The following UBE2E2 variants were observed in gnomAD, a reference collection of about 807,000 sequenced individuals.
UBE2E2 encodes ubiquitin-conjugating enzyme E2 E2.
UBE2E2 carries 6 observed loss-of-function variants against 24.7 expected under a neutral mutation model. The observed-to-expected ratio is 0.24, with a 90% CI of 0.13 to 0.48. UBE2E2 has a LOEUF of 0.48. Among genes scored for constraint, UBE2E2 ranks in the 20% least tolerant of loss-of-function variants. The probability of loss-of-function intolerance (pLI) is 0.99; values close to 1 mark genes in which losing one functional copy is unlikely to be tolerated. For synonymous variants in UBE2E2, 104 were observed against 83.6 expected, an observed-to-expected ratio of 1.24 and a Z score of -1.33; for missense variants, 169 against 245.0, an observed-to-expected ratio of 0.69 and a Z score of 2.07.
At chr3:23,486,145 C>T (rs867422339) in intron 3 of UBE2E2, among the ~76,000 whole-genome samples, 16 of 152,284 alleles carry the variant, frequency 1.1e-4, no homozygotes, top group East Asian at 9.7e-4. Context: ...CACAAAGTGG[C>T]GAGGGGTGTG....
chr3:23,586,005 C>G (rs1443032337), intron 5 of UBE2E2, among the ~76,000 whole-genome samples: 1 of 151,574 alleles, frequency 6.6e-6, no homozygotes, highest in Non-Finnish European at 1.5e-5. Flanking sequence ...TTCAGACTTT[C>G]ACATTGAAAA....
intron 3 of UBE2E2, among the ~76,000 whole-genome samples, chr3:23,457,854 A>G (rs531340354): frequency 6.6e-6 from 1 of 152,346 alleles, no homozygotes; most frequent in East Asian, 1.9e-4. Context: ...TAGCCTTCGC[A>G]GAATTGAAGT....
intron 3 of UBE2E2, among the ~76,000 whole-genome samples, chr3:23,492,549 AAC>A (rs1419162010): frequency 6.6e-6 from 1 of 152,186 alleles, no homozygotes; most frequent in Non-Finnish European, 1.5e-5. Flanking sequence ...AGATTTTTTA[AAC>A]ACACAGTTTA....
At position 23,496,386 on chromosome 3, in the gene UBE2E2, A is replaced by G. The variant is rs140842577; in HGVS notation, c.228-3222A>G. On this transcript the variant is annotated intron_variant, in intron 3 of 5. Transcript: ENST00000396703. ...ACATACCCAGAACCATTGAAACTCC[A>G]GTGTGCTGCTTCTCCAACCTCTGCT... Among the ~76,000 whole-genome samples the G allele has an allele frequency of 3.9e-3, 592 of 152,246 alleles. 5 individuals are homozygous for G. Among genetic ancestry groups the G allele is most frequent in the African/African-American group, 0.012 (515 of 41,542 alleles).
chr3:23,561,537 A>G (rs1360734472), intron 5 of UBE2E2, among the ~76,000 whole-genome samples: 2 of 152,042 alleles, frequency 1.3e-5, no homozygotes, highest in Non-Finnish European at 2.9e-5. Context: ...TTGGCTTAGG[A>G]TTGACTTGGC....
At chr3:23,285,818 G>A (rs952622517) in intron 3 of UBE2E2, among the ~76,000 whole-genome samples, 5 of 152,014 alleles carry the variant, frequency 3.3e-5, no homozygotes, top group African/African-American at 4.8e-5. Flanking sequence ...TCAGCCACTC[G>A]AATAGCTAGG....
At chr3:23,498,845 T>A (rs1053492612) in intron 3 of UBE2E2, among the ~76,000 whole-genome samples, 2 of 152,250 alleles carry the variant, frequency 1.3e-5, no homozygotes, top group South Asian at 4.1e-4. Context: ...ACTAATACAA[T>A]TCACTCGACT....
At chr3:23,353,058 T>G (rs1318617165) in intron 3 of UBE2E2, among the ~76,000 whole-genome samples, 9 of 152,188 alleles carry the variant, frequency 5.9e-5, no homozygotes, top group Admixed American at 5.9e-4. Context: ...GCTTCATCCC[T>G]GGGATGCAAG....
rs148209104 is a variant in UBE2E2 at position 23,388,205 on chromosome 3, A to G, written c.228-111403A>G. Among the ~76,000 whole-genome samples, 88 of 152,328 alleles carry G rather than the reference A, an allele frequency of 5.8e-4. 3 individuals are homozygous for G. In the East Asian group the frequency reaches 0.015, roughly 27 times the overall value. On this transcript the variant is annotated intron_variant, in intron 3 of 5. Coordinates refer to ENST00000396703, the MANE Select transcript of UBE2E2 (RefSeq NM_152653.4). ...ATTAGGGAGTAAATATTCTAAGACT[A>G]TTAGTAAATAAGGACTGCTTAAGCA...
At chr3:23,250,507 A>G (rs191036821) in intron 3 of UBE2E2, among the ~76,000 whole-genome samples, 2 of 152,176 alleles carry the variant, frequency 1.3e-5, no homozygotes, top group South Asian at 4.1e-4. Context: ...ATTTAGTCCT[A>G]TATTTTAGTA....
chr3:23,444,065 G>GTTTT lies in UBE2E2; in HGVS notation c.228-55529_228-55526dup, dbSNP rs59171795. Among the ~76,000 whole-genome samples the GTTTT allele has an allele frequency of 8.6e-4, 101 of 117,404 alleles. 2 individuals carry two copies. The highest frequency in any genetic ancestry group is 2.8e-3 in the African/African-American group (91 of 32,546). 77.0% of individuals were successfully genotyped at this position (117,404 alleles called of 152,430 possible). A position where few individuals can be genotyped will look rare whatever the true frequency, so the allele number is the denominator to read the frequency against. ...ATTTTAGGTTTTCTTCACCAGTTTT[G>GTTTT]TTTTTTTTTTTTTTTTTGCCAGCTT... On this transcript the variant is annotated intron_variant, in intron 3 of 5. Transcript: ENST00000396703.
At chr3:23,562,350 T>A (rs899717532) in intron 5 of UBE2E2, among the ~76,000 whole-genome samples, 6 of 152,238 alleles carry the variant, frequency 3.9e-5, no homozygotes, top group African/African-American at 1.4e-4. Flanking sequence ...TCTTTGGTTC[T>A]ATTTATATGC....
intron 3 of UBE2E2, among the ~76,000 whole-genome samples, chr3:23,396,495 T>C (rs990068687): frequency 4.0e-5 from 6 of 151,840 alleles, no homozygotes; most frequent in African/African-American, 1.5e-4. Flanking sequence ...CATATATATA[T>C]AATTTCCAAA....
At chr3:23,206,150 G>A (rs1034808184) in intron 1 of UBE2E2, among the ~76,000 whole-genome samples, 1 of 152,098 alleles carries the variant, frequency 6.6e-6, no homozygotes, top group Non-Finnish European at 1.5e-5. Context: ...ATTTCTTAAG[G>A]TATTGCTGGC....
intron 5 of UBE2E2, among the ~76,000 whole-genome samples, chr3:23,556,246 G>A (rs1695779072): frequency 1.4e-5 from 2 of 144,668 alleles, no homozygotes; most frequent in Admixed American, 7.3e-5. Context: ...CCAGGTTCAA[G>A]CGATTCTTCT....
At chr3:23,270,515 G>A (rs935211408) in intron 3 of UBE2E2, among the ~76,000 whole-genome samples, 1 of 152,068 alleles carries the variant, frequency 6.6e-6, no homozygotes, top group Admixed American at 6.6e-5. Context: ...GGCCCTGCAG[G>A]GCTCGTTCTG....
intron 3 of UBE2E2, among the ~76,000 whole-genome samples, chr3:23,264,924 A>G (rs1372465755): frequency 3.3e-5 from 5 of 152,186 alleles, no homozygotes; most frequent in Non-Finnish European, 7.3e-5. Flanking sequence ...CAGCATAGAG[A>G]TGCCAAGTTA....
At chr3:23,286,085 G>A (rs554725530) in intron 3 of UBE2E2, among the ~76,000 whole-genome samples, 1 of 152,256 alleles carries the variant, frequency 6.6e-6, no homozygotes, top group East Asian at 1.9e-4. Context: ...ATCCCTTGTA[G>A]AGTGGATAGT....
chr3:23,540,757 T>A (rs73139796), intron 5 of UBE2E2, among the ~76,000 whole-genome samples: 7,113 of 152,098 alleles, frequency 0.047, 555 homozygotes, highest in African/African-American at 0.16. Context: ...TTCTGTTGCC[T>A]ATGCTGGACT....
Sources: gnomAD v4.1 joint callset for allele counts (sites outside exome capture counted in the v4.1 genomes callset) on GRCh38, gnomAD v4.1.1 for gene constraint, MANE v1.5 for transcripts, NCBI Gene and HGNC (gene_info 2026-07-23, HGNC 2026-07-21) for gene names.